The following FBN2 variants were observed in gnomAD, a reference collection of about 807,000 sequenced individuals.
FBN2 encodes fibrillin-2.
FBN2 carries 105 observed loss-of-function variants against 355.6 expected under a neutral mutation model. The observed-to-expected ratio is 0.30, with a 90% confidence interval of 0.25 to 0.35. The LOEUF is 0.35. Among genes scored for constraint, FBN2 ranks in the 10% least tolerant of loss-of-function variants. The probability of loss-of-function intolerance (pLI) is 1.00; values close to 1 mark genes in which losing one functional copy is unlikely to be tolerated. For synonymous variants in FBN2, 1,350 were observed against 1,301.2 expected (o/e 1.04, Z -0.81); for missense variants, 3,280 against 3,758.7 (o/e 0.87, Z 3.33).
intron 46 of FBN2, among the ~76,000 whole-genome samples, chr5:128,302,735 T>C (rs73343280): frequency 6.6e-6 from 1 of 152,328 alleles, no homozygotes. Context: ...ATGACCTTTT[T>C]TTCCTGAAAT....
intron 23 of FBN2, 50 bp downstream of exon 23, chr5:128,349,297 A>G: frequency 1.2e-6 from 2 of 1,611,934 alleles, no homozygotes; most frequent in Non-Finnish European, 1.7e-6. Context: ...TTAAACAAGG[A>G]AATTCATGGC....
intron 6 of FBN2, among the ~76,000 whole-genome samples, chr5:128,449,449 T>C (rs2127062094): frequency 6.8e-6 from 1 of 146,530 alleles, no homozygotes; most frequent in Admixed American, 6.9e-5. Flanking sequence ...AATTATATAG[T>C]ATACTATATA....
At chr5:128,412,678 C>CA (rs770774233) in intron 7 of FBN2, among the ~76,000 whole-genome samples, 1 of 152,176 alleles carries the variant, frequency 6.6e-6, no homozygotes, top group African/African-American at 2.4e-5. Context: ...AACTGATGGA[C>CA]AATAAGCTTA....
intron 24 of FBN2, 63 bp downstream of exon 24, chr5:128,345,294 C>G: frequency 7.5e-7 from 1 of 1,336,988 alleles, no homozygotes; most frequent in South Asian, 1.2e-5. Context: ...AACCAATTCT[C>G]AGAGAATGTG....
intron 8 of FBN2, among the ~76,000 whole-genome samples, chr5:128,402,676 A>G (rs898976217): frequency 4.6e-5 from 7 of 152,164 alleles, no homozygotes; most frequent in African/African-American, 1.7e-4. Context: ...AGAAAACACC[A>G]ATGAGATTAG....
chr5:128,400,809 G>T (rs745512990), intron 8 of FBN2, among the ~76,000 whole-genome samples: 4 of 152,154 alleles, frequency 2.6e-5, no homozygotes, highest in Non-Finnish European at 5.9e-5. Flanking sequence ...TAAAAATGCT[G>T]ATATGGTTTG....
intron 5 of FBN2, among the ~76,000 whole-genome samples, chr5:128,481,405 T>C (rs1755182066): frequency 1.3e-5 from 2 of 152,120 alleles, no homozygotes; most frequent in South Asian, 4.1e-4. Flanking sequence ...GCCTCTAACT[T>C]TTTGCCAGGA....
chr5:128,258,580 C>A lies in FBN2; in HGVS notation c.*875G>T, dbSNP rs368403365. 6.6e-6 allele frequency: 1 copy of A among 152,526 alleles called. No individual in the cohort carries two copies. The highest frequency in any genetic ancestry group is 1.5e-5 in the Non-Finnish European group (1 of 68,032). 9.4% of individuals were successfully genotyped at this position (152,526 alleles called of 1,614,324 possible). On this transcript the variant is annotated 3_prime_UTR_variant, in exon 65 of 65. Coordinates refer to ENST00000262464, the MANE Select transcript of FBN2 (RefSeq NM_001999.4). ...TGCCTACAGTACCATGAGGACGCAGCGCACCCTGGGTAAGAATGAGGTGTT... is the reference window on the plus strand; with the variant it reads ...TGCCTACAGTACCATGAGGACGCAGAGCACCCTGGGTAAGAATGAGGTGTT...
At chr5:128,530,844 A>T in intron 2 of FBN2, 151 bp from the exon 3 acceptor site, 1 of 638,378 alleles carries the variant, frequency 1.6e-6, no homozygotes. Context: ...CAATAAAATT[A>T]CCCATTGCAG....
chr5:128,335,341 A>C, intron 29 of FBN2, 46 bp from the exon 30 acceptor site: 1 of 1,613,760 alleles, frequency 6.2e-7, no homozygotes, highest in Non-Finnish European at 8.5e-7. Flanking sequence ...AATGTCGTTC[A>C]TCAATCTCAA....
At chr5:128,355,254 T>C (rs1751470311) in intron 20 of FBN2, among the ~76,000 whole-genome samples, 1 of 152,172 alleles carries the variant, frequency 6.6e-6, no homozygotes, top group Non-Finnish European at 1.5e-5. Flanking sequence ...CATATATCCA[T>C]GCAAGTTGAA....
chr5:128,532,030 C>T (rs1452091199), intron 2 of FBN2, among the ~76,000 whole-genome samples: 1 of 151,962 alleles, frequency 6.6e-6, no homozygotes, highest in Non-Finnish European at 1.5e-5. Flanking sequence ...AAAATACAGC[C>T]CACTATGCAA....
At chr5:128,270,322 T>C (rs1175829668) in intron 62 of FBN2, among the ~76,000 whole-genome samples, 1 of 149,842 alleles carries the variant, frequency 6.7e-6, no homozygotes, top group Non-Finnish European at 1.5e-5. Context: ...AGGTCAGGAG[T>C]TCAAGACCAG....
chr5:128,504,207 C>T (rs4100587), intron 5 of FBN2, among the ~76,000 whole-genome samples: 1 of 151,964 alleles, frequency 6.6e-6, no homozygotes, highest in Non-Finnish European at 1.5e-5. Flanking sequence ...GTGTGCTGCA[C>T]GGGTGGAGCC....
At chr5:128,464,971 T>C (rs764375643) in intron 5 of FBN2, 50 bp from the exon 6 acceptor site, 3 of 1,551,010 alleles carry the variant, frequency 1.9e-6, no homozygotes, top group Non-Finnish European at 1.8e-6. Context: ...CATATACTAA[T>C]CTTATACCAG....
chr5:128,270,459 G>A (rs1283220882), intron 62 of FBN2, among the ~76,000 whole-genome samples: 1 of 152,182 alleles, frequency 6.6e-6, no homozygotes, highest in Non-Finnish European at 1.5e-5. Flanking sequence ...AACCCAGGAG[G>A]CGGAGGTTGT....
chr5:128,531,122 C>A (rs1481508215), intron 2 of FBN2, among the ~76,000 whole-genome samples: 1 of 151,826 alleles, frequency 6.6e-6, no homozygotes, highest in Non-Finnish European at 1.5e-5. Flanking sequence ...GCCCTTCAAT[C>A]AACAAGTGGA....
chr5:128,314,983 C>T (rs922913740), intron 36 of FBN2, among the ~76,000 whole-genome samples: 3 of 152,048 alleles, frequency 2.0e-5, no homozygotes. Context: ...CCGTGATGAA[C>T]ATCATATATG....
intron 8 of FBN2, among the ~76,000 whole-genome samples, chr5:128,402,332 A>C (rs1339742692): frequency 6.6e-6 from 1 of 152,180 alleles, no homozygotes; most frequent in Non-Finnish European, 1.5e-5. Flanking sequence ...ATGTGTCCTA[A>C]GTAATGAAAA....
Sources: allele counts gnomAD v4.1 joint callset (sites outside exome capture counted in the v4.1 genomes callset), GRCh38; gene constraint gnomAD v4.1.1; transcripts MANE v1.5; gene names NCBI Gene and HGNC (gene_info 2026-07-23, HGNC 2026-07-21).